Variants in THADA observed in about 807,000 individuals in gnomAD.
The protein encoded by THADA is tRNA (32-2'-O)-methyltransferase regulator THADA.
In THADA, 213 loss-of-function variants were observed where a neutral mutation model predicts 219.8. That is an observed-to-expected ratio of 0.97 (90% CI 0.87 to 1.09). The LOEUF (loss-of-function observed/expected upper bound fraction) is 1.09, where lower values mean the gene tolerates loss of function less well. Ranked by LOEUF, THADA falls within the 50% of genes least tolerant of loss-of-function variation. THADA has a pLI of 0.00. For synonymous variants in THADA, 1,018 were observed against 828.9 expected (o/e 1.23, Z -3.92); for missense variants, 2,956 against 2,311.3 (o/e 1.28, Z -5.72).
chr2:43,590,802 C>A lies in THADA; in HGVS notation c.302+22G>T, dbSNP rs575591403. On this transcript the variant is annotated intron_variant, in intron 4 of 37. Coordinates refer to ENST00000405975, the MANE Select transcript of THADA (RefSeq NM_022065.5). The stretch of plus-strand genomic sequence containing the variant: ...CAAATTCAACATTTATAACACCCAA[C>A]TTCCCTTCCTTTTTTTCTTACCTTG... 21 of 1,603,068 alleles carry A rather than the reference C, an allele frequency of 1.3e-5. No homozygotes were observed. In the South Asian group the frequency reaches 2.0e-4, roughly 15 times the overall value.
intron 22 of THADA, among the ~76,000 whole-genome samples, chr2:43,512,048 G>C (rs533696223): frequency 1.3e-5 from 2 of 152,288 alleles, no homozygotes; most frequent in South Asian, 2.1e-4. Flanking sequence ...TGCATACTAA[G>C]AACCAAATGC....
chr2:43,550,161 G>T lies in THADA; in HGVS notation c.2948-793C>A, dbSNP rs559799514. 1.1e-3 allele frequency among the ~76,000 whole-genome samples: 173 copies of T among 152,306 alleles called. 1 individual carries two copies. The highest frequency in any genetic ancestry group is 1.7e-3 in the Non-Finnish European group (116 of 68,032). ...AGAGGTTCAGGAACATGAGTTGAAG[G>T]AATGAATGGATGTAGGTAGTAAGGA... On this transcript the variant is annotated intron_variant, in intron 19 of 37. Transcript: ENST00000405975.
chr2:43,509,608 T>G (rs1365779853), intron 22 of THADA, among the ~76,000 whole-genome samples: 1 of 152,172 alleles, frequency 6.6e-6, no homozygotes, highest in African/African-American at 2.4e-5. Context: ...GATTTCCAAT[T>G]TACAGTGAGA....
chr2:43,271,934 C>T (rs1672169310), intron 36 of THADA, among the ~76,000 whole-genome samples: 2 of 152,162 alleles, frequency 1.3e-5, no homozygotes, highest in Non-Finnish European at 2.9e-5. Context: ...ACTTTTATTC[C>T]GGTGGAGAGA....
At position 43,572,998 on chromosome 2, in the gene THADA, A is replaced by C. The variant is rs1476866829; in HGVS notation, c.1730-6T>G. 1 of 1,612,396 alleles carries C rather than the reference A, an allele frequency of 6.2e-7. No homozygotes were observed. Among genetic ancestry groups the C allele is most frequent in the Non-Finnish European group, 8.5e-7 (1 of 1,179,292 alleles). ...TGGGAAAGATTGCTCTTGTCCTGAA[A>C]GCACAATAACAAAGACCATTACTGT... On this transcript the variant is annotated splice_polypyrimidine_tract_variant and splice_region_variant and intron_variant, in intron 11 of 37. Coordinates refer to ENST00000405975, the MANE Select transcript of THADA (RefSeq NM_022065.5).
chr2:43,450,603 C>A (rs1682192130), intron 26 of THADA, among the ~76,000 whole-genome samples: 1 of 150,944 alleles, frequency 6.6e-6, no homozygotes, highest in Non-Finnish European at 1.5e-5. Context: ...AAACAAATAG[C>A]CAAATTACAC....
At chr2:43,487,201 G>A (rs1233568102) in intron 25 of THADA, among the ~76,000 whole-genome samples, 1 of 152,088 alleles carries the variant, frequency 6.6e-6, no homozygotes, top group African/African-American at 2.4e-5. Flanking sequence ...GATCTAGTGA[G>A]GTAGTTCCCA....
rs1179742526 is a variant in THADA at position 43,571,743 on chromosome 2, T to C, written c.2028A>G (p.Pro676=). 3 of 1,613,918 alleles carry C rather than the reference T, an allele frequency of 1.9e-6. No individual in the cohort carries two copies. The highest frequency in any genetic ancestry group is 2.7e-5 in the African/African-American group (2 of 75,038). The change falls in exon 13 of 38, where the codon CCA becomes CCG. Residue 676 remains proline, a synonymous_variant. Transcript: ENST00000405975. ...FITYNLNSQS[P]GVRQQICSLL... The stretch of plus-strand genomic sequence containing the variant: ...GAGAACAGATCTGTTGCCGCACTCC[T>C]GGAGACTGGCTGTTAAGATTGTATG...
intron 29 of THADA, among the ~76,000 whole-genome samples, chr2:43,386,966 C>G (rs867212897): frequency 2.0e-5 from 3 of 151,488 alleles, no homozygotes; most frequent in African/African-American, 4.9e-5. Context: ...GATTTATCCA[C>G]GAGTTTCCTT....
chr2:43,529,409 G>C (rs1293283739), intron 21 of THADA, among the ~76,000 whole-genome samples: 1 of 152,132 alleles, frequency 6.6e-6, no homozygotes, highest in Non-Finnish European at 1.5e-5. Context: ...TCACAGGTGT[G>C]ATCACTGTGC....
Position 43,508,685 on chromosome 2 carries a change from G to A in THADA, c.3470C>T (p.Ala1157Val). 6.2e-7 allele frequency: 1 copy of A among 1,613,626 alleles called. No homozygotes were observed. The highest frequency in any genetic ancestry group is 1.1e-5 in the South Asian group (1 of 91,048). Reference protein sequence around the residue: ...KCSDPSSKLCATRRSAGIPFY... With the variant: ...KCSDPSSKLCVTRRSAGIPFY... ...AGGAATTCCAGCACTGCGCCTTGTA[G>A]CACAGAGTTTAGATGAAGGATCACT... Residue 1157 changes from alanine (A) to valine (V), a missense_variant, in exon 23 of 38, where the codon GCT becomes GTT. By Grantham distance (64) the Ala-to-Val change is moderately conservative. Transcript: ENST00000405975.
chr2:43,567,331 C>T (rs1426056765), intron 14 of THADA, among the ~76,000 whole-genome samples: 1 of 152,068 alleles, frequency 6.6e-6, no homozygotes, highest in African/African-American at 2.4e-5. Context: ...ACAGGATTCA[C>T]ATTAAAACAC....
chr2:43,479,955 G>A (rs1269013606), intron 26 of THADA, among the ~76,000 whole-genome samples: 1 of 152,192 alleles, frequency 6.6e-6, no homozygotes. Context: ...CCTACTATGT[G>A]GGAGATTTGA....
intron 21 of THADA, among the ~76,000 whole-genome samples, chr2:43,530,770 G>C (rs560298276): frequency 6.6e-6 from 1 of 152,232 alleles, no homozygotes; most frequent in East Asian, 1.9e-4. Context: ...CCTTCGAAGA[G>C]GTCTAAAACA....
chr2:43,543,362 T>C (rs1300650946), intron 20 of THADA, among the ~76,000 whole-genome samples: 1 of 150,094 alleles, frequency 6.7e-6, no homozygotes, highest in East Asian at 1.9e-4. Flanking sequence ...TATAGCAGCA[T>C]GATTTATAGT....
At chr2:43,556,255 C>T (rs1574241245) in intron 17 of THADA, 90 bp downstream of exon 17, 1 of 1,530,092 alleles carries the variant, frequency 6.5e-7, no homozygotes, top group Non-Finnish European at 8.8e-7. Flanking sequence ...TAAAAAACCA[C>T]AAAATATATG....
rs533503990 is a variant in THADA, at chr2:43,259,452, C to T, written c.5296+20313G>A. ...TCTGACTGCACGTCCTGCCAGTTCA[C>T]GCATTTATGCTCCTTGCCAGGCCCC... On this transcript the variant is annotated intron_variant, in intron 36 of 37. Coordinates refer to ENST00000405975, the MANE Select transcript of THADA (RefSeq NM_022065.5). Among the ~76,000 whole-genome samples the T allele has an allele frequency of 6.6e-5, 10 of 152,372 alleles. No homozygotes were observed. In the East Asian group the frequency reaches 7.7e-4, roughly 12 times the overall value.
chr2:43,567,767 TGC>T (rs1698853861), intron 14 of THADA, among the ~76,000 whole-genome samples: 1 of 152,258 alleles, frequency 6.6e-6, no homozygotes, highest in African/African-American at 2.4e-5. Flanking sequence ...GGATCCCTAG[TGC>T]TGAGCACACT....
chr2:43,538,922 G>T (rs904786403), intron 21 of THADA, among the ~76,000 whole-genome samples: 9 of 152,074 alleles, frequency 5.9e-5, no homozygotes, highest in Admixed American at 3.3e-4. Context: ...CTATATGGGG[G>T]ATTTAAGTGG....
Sources: allele counts gnomAD v4.1 joint callset (sites outside exome capture counted in the v4.1 genomes callset), GRCh38; gene constraint gnomAD v4.1.1; transcripts MANE v1.5; gene names NCBI Gene and HGNC (gene_info 2026-07-23, HGNC 2026-07-21).